The following KCNIP1 variants were observed in gnomAD, a reference collection of about 807,000 sequenced individuals.
KCNIP1 encodes the protein A-type potassium channel modulatory protein KCNIP1.
In KCNIP1, 18 loss-of-function variants were observed where a neutral mutation model predicts 33.0. The observed-to-expected ratio is 0.55, with a 90% CI of 0.38 to 0.81. The LOEUF (loss-of-function observed/expected upper bound fraction) is 0.81. Among genes scored for constraint, KCNIP1 ranks in the 30% least tolerant of loss-of-function variants. The pLI is 0.00. For missense variants in KCNIP1, 238 were observed against 271.6 expected (o/e 0.88, Z 0.87); for synonymous variants, 93 against 98.3 (o/e 0.95, Z 0.32).
chr5:170,615,051 C>T (rs192448467), intron 1 of KCNIP1, among the ~76,000 whole-genome samples: 12 of 152,250 alleles, frequency 7.9e-5, no homozygotes, highest in African/African-American at 2.9e-4. Context: ...CCCATCTTTA[C>T]TAAAAATACA....
chr5:170,633,758 G>A (rs1175421007), intron 1 of KCNIP1, among the ~76,000 whole-genome samples: 2 of 103,066 alleles, frequency 1.9e-5, no homozygotes, highest in Admixed American at 1.9e-4. Context: ...GGGGCGGGGC[G>A]GAGGGGGGAT....
intron 1 of KCNIP1, among the ~76,000 whole-genome samples, chr5:170,539,649 G>C (rs1756122644): frequency 6.6e-6 from 1 of 152,134 alleles, no homozygotes; most frequent in Non-Finnish European, 1.5e-5. Flanking sequence ...CTGCTGGTCT[G>C]TTATCCATTG....
chr5:170,399,767 G>A (rs1264561577), intron 1 of KCNIP1, among the ~76,000 whole-genome samples: 13 of 152,058 alleles, frequency 8.5e-5, no homozygotes, highest in Admixed American at 7.2e-4. Flanking sequence ...ATATAGATAT[G>A]TCATAAAATG....
At chr5:170,710,030 G>C (rs1763391908) in intron 1 of KCNIP1, among the ~76,000 whole-genome samples, 1 of 152,122 alleles carries the variant, frequency 6.6e-6, no homozygotes, top group African/African-American at 2.4e-5. Flanking sequence ...ACCATGCCCA[G>C]CTAATTTTCA....
intron 1 of KCNIP1, among the ~76,000 whole-genome samples, chr5:170,517,597 T>C (rs1755177421): frequency 6.6e-6 from 1 of 151,240 alleles, no homozygotes; most frequent in Non-Finnish European, 1.5e-5. Context: ...ATGGTGGTAG[T>C]GATGGTGATG....
intron 1 of KCNIP1, among the ~76,000 whole-genome samples, chr5:170,684,461 T>A (rs1369192635): frequency 6.6e-6 from 1 of 152,212 alleles, no homozygotes; most frequent in Non-Finnish European, 1.5e-5. Flanking sequence ...AGCCTCTAGT[T>A]TGTGGTAATG....
At chr5:170,698,270 G>T (rs1280586561) in intron 1 of KCNIP1, among the ~76,000 whole-genome samples, 2 of 152,174 alleles carry the variant, frequency 1.3e-5, no homozygotes, top group Non-Finnish European at 2.9e-5. Flanking sequence ...GGCTTAGAGA[G>T]GGTTAGTGAC....
At chr5:170,534,040 GA>G (rs1755879775) in intron 1 of KCNIP1, among the ~76,000 whole-genome samples, 2 of 152,162 alleles carry the variant, frequency 1.3e-5, no homozygotes. Context: ...GGTGATAAAG[GA>G]AAAACATATG....
intron 1 of KCNIP1, among the ~76,000 whole-genome samples, chr5:170,484,525 G>C (rs1156433915): frequency 6.6e-6 from 1 of 152,126 alleles, no homozygotes; most frequent in Non-Finnish European, 1.5e-5. Context: ...CTCCAAGGCT[G>C]TGTGCTCCCC....
chr5:170,494,845 C>T (rs574479851), intron 1 of KCNIP1, among the ~76,000 whole-genome samples: 4 of 152,312 alleles, frequency 2.6e-5, no homozygotes, highest in East Asian at 1.9e-4. Context: ...GCAGAGAGAT[C>T]GGGTTCAAAC....
At chr5:170,511,023 A>G (rs1754913906) in intron 1 of KCNIP1, among the ~76,000 whole-genome samples, 1 of 152,146 alleles carries the variant, frequency 6.6e-6, no homozygotes, top group Non-Finnish European at 1.5e-5. Context: ...AGCCTGGCCA[A>G]TATGGTGAAA....
intron 1 of KCNIP1, among the ~76,000 whole-genome samples, chr5:170,646,076 T>C (rs935117065): frequency 2.6e-5 from 4 of 152,242 alleles, no homozygotes; most frequent in Admixed American, 1.3e-4. Flanking sequence ...AATAGCCCTA[T>C]GTCTATTACA....
At chr5:170,639,807 T>C (rs942552629) in intron 1 of KCNIP1, among the ~76,000 whole-genome samples, 10 of 152,170 alleles carry the variant, frequency 6.6e-5, no homozygotes, top group Non-Finnish European at 1.5e-4. Flanking sequence ...AGTGACTCAG[T>C]TGGATGCGGT....
chr5:170,643,425 A>G (rs992146494), intron 1 of KCNIP1, among the ~76,000 whole-genome samples: 1 of 152,252 alleles, frequency 6.6e-6, no homozygotes, highest in Non-Finnish European at 1.5e-5. Context: ...TTATGCCCCA[A>G]GGATCCTGAT....
At chr5:170,724,195 G>A (rs1231283855) in intron 5 of KCNIP1, among the ~76,000 whole-genome samples, 4 of 152,076 alleles carry the variant, frequency 2.6e-5, no homozygotes, top group Admixed American at 6.5e-5. Flanking sequence ...CCCAGATGGT[G>A]GACTGGTGAA....
intron 1 of KCNIP1, chr5:170,354,040 C>A: frequency 7.5e-7 from 1 of 1,325,838 alleles, no homozygotes; most frequent in Non-Finnish European, 1.1e-6. Context: ...GTGTGGTGAG[C>A]GTGACCATTC....
intron 1 of KCNIP1, among the ~76,000 whole-genome samples, chr5:170,386,285 C>T (rs1263693939): frequency 6.6e-6 from 1 of 152,082 alleles, no homozygotes; most frequent in African/African-American, 2.4e-5. Context: ...ACCAGGGAGA[C>T]AGCAATTAGA....
At chr5:170,667,031 C>T (rs1761730817) in intron 1 of KCNIP1, among the ~76,000 whole-genome samples, 2 of 152,198 alleles carry the variant, frequency 1.3e-5, no homozygotes, top group African/African-American at 2.4e-5. Context: ...TAAAAACTGT[C>T]GGCTGGGCGT....
chr5:170,457,282 G>A (rs534412042), intron 1 of KCNIP1, among the ~76,000 whole-genome samples: 3 of 152,300 alleles, frequency 2.0e-5, no homozygotes, highest in African/African-American at 7.2e-5. Context: ...TTATTAAACT[G>A]AGAGCTGAAG....
Sources: allele counts gnomAD v4.1 joint callset (sites outside exome capture counted in the v4.1 genomes callset), GRCh38; gene constraint gnomAD v4.1.1; transcripts MANE v1.5; gene names NCBI Gene and HGNC (gene_info 2026-07-23, HGNC 2026-07-21).